The following AGMO variants were observed in gnomAD, a reference collection of about 807,000 sequenced individuals.
The protein encoded by AGMO is glyceryl-ether monooxygenase.
In AGMO, 75 loss-of-function variants were observed where a neutral mutation model predicts 60.2. That is an observed-to-expected ratio of 1.25 (90% CI 1.03 to 1.51). The LOEUF is 1.51. Ranked by LOEUF, AGMO falls within the 40% of genes most tolerant of loss-of-function variation. AGMO has a pLI of 0.00. For missense variants in AGMO, 763 were observed against 525.5 expected, an observed-to-expected ratio of 1.45 and a Z score of -4.42; for synonymous variants, 261 against 177.1, an observed-to-expected ratio of 1.47 and a Z score of -3.76.
intron 12 of AGMO, among the ~76,000 whole-genome samples, chr7:15,320,504 TTGA>T (rs1201760499): frequency 3.9e-5 from 6 of 152,096 alleles, no homozygotes; most frequent in African/African-American, 1.4e-4. Context: ...AAAAGAACTT[TTGA>T]TATCTCAACT....
chr7:15,388,089 G>C lies in AGMO; in HGVS notation c.823-549C>G, dbSNP rs183167076. ...TGCCAGGCTAATTTTTGTAGTTTTA[G>C]TGGCGACAGGGTTTCTGTTTTGGCT... On this transcript the variant is annotated intron_variant, in intron 8 of 12. Coordinates refer to ENST00000342526, the MANE Select transcript of AGMO (RefSeq NM_001004320.2). Among the ~76,000 whole-genome samples, 371 of 152,010 alleles carry C rather than the reference G, an allele frequency of 2.4e-3. 4 individuals are homozygous for C. Among genetic ancestry groups the C allele is most frequent in the African/African-American group, 8.4e-3 (347 of 41,438 alleles).
intron 5 of AGMO, among the ~76,000 whole-genome samples, chr7:15,414,849 T>A (rs1208932495): frequency 6.6e-6 from 1 of 152,124 alleles, no homozygotes; most frequent in African/African-American, 2.4e-5. Flanking sequence ...CAAACATATG[T>A]GGTCAACTTT....
intron 12 of AGMO, among the ~76,000 whole-genome samples, chr7:15,317,973 CACACGTATATATATAT>C (rs1396603730): frequency 1.0e-4 from 15 of 146,958 alleles, no homozygotes; most frequent in African/African-American, 3.1e-4. Flanking sequence ...TATATACACA[CACACGTATATATATAT>C]ACACGTATAT....
chr7:15,262,330 C>A (rs899521739), intron 12 of AGMO, among the ~76,000 whole-genome samples: 2 of 152,006 alleles, frequency 1.3e-5, no homozygotes, highest in African/African-American at 4.8e-5. Flanking sequence ...CTGCTATACA[C>A]CAACAGTGAC....
At chr7:15,237,330 C>T (rs952000543) in intron 12 of AGMO, among the ~76,000 whole-genome samples, 1 of 152,098 alleles carries the variant, frequency 6.6e-6, no homozygotes, top group African/African-American at 2.4e-5. Flanking sequence ...ATGAAAGTAG[C>T]ACAAAGGAAG....
chr7:15,435,970 T>A (rs759018568), intron 3 of AGMO, among the ~76,000 whole-genome samples: 107 of 152,150 alleles, frequency 7.0e-4, no homozygotes, highest in Non-Finnish European at 1.4e-3. Context: ...TTCACAGACA[T>A]ATAAGATAGC....
intron 12 of AGMO, among the ~76,000 whole-genome samples, chr7:15,273,474 G>C (rs78925952): frequency 0.013 from 2,048 of 152,226 alleles, 48 homozygotes; most frequent in African/African-American, 0.043. Flanking sequence ...TTGTTCCACT[G>C]GTCTGTATCT....
At chr7:15,317,978 GTA>G (rs148730260) in intron 12 of AGMO, among the ~76,000 whole-genome samples, 1 of 132,158 alleles carries the variant, frequency 7.6e-6, no homozygotes, top group African/African-American at 2.9e-5. Context: ...ACACACACAC[GTA>G]TATATATATA....
intron 12 of AGMO, among the ~76,000 whole-genome samples, chr7:15,362,087 G>T (rs778979884): frequency 2.6e-5 from 4 of 152,090 alleles, no homozygotes; most frequent in Non-Finnish European, 5.9e-5. Flanking sequence ...ATATTGACTG[G>T]AGTCACTGAG....
intron 12 of AGMO, among the ~76,000 whole-genome samples, chr7:15,215,445 C>T (rs1781708447): frequency 6.6e-6 from 1 of 151,842 alleles, no homozygotes; most frequent in Non-Finnish European, 1.5e-5. Flanking sequence ...GAGTTGTACA[C>T]CGGAATTCTC....
At chr7:15,392,002 G>C (rs907426123) in intron 6 of AGMO, among the ~76,000 whole-genome samples, 2 of 152,134 alleles carry the variant, frequency 1.3e-5, no homozygotes, top group Non-Finnish European at 2.9e-5. Context: ...TGAAGTCAGA[G>C]GAAGTAGCAA....
intron 12 of AGMO, among the ~76,000 whole-genome samples, chr7:15,301,441 G>GAA (rs139421944): frequency 1.4e-5 from 2 of 146,220 alleles, no homozygotes; most frequent in African/African-American, 2.5e-5. Flanking sequence ...TCAGTCTCAG[G>GAA]AAAAAAAAAA....
intron 12 of AGMO, among the ~76,000 whole-genome samples, chr7:15,278,169 T>C (rs980424716): frequency 6.6e-6 from 1 of 152,116 alleles, no homozygotes; most frequent in African/African-American, 2.4e-5. Flanking sequence ...ATCTCTTCAC[T>C]CAGTCCAATA....
At chr7:15,232,673 T>C (rs1324822111) in intron 12 of AGMO, among the ~76,000 whole-genome samples, 1 of 152,036 alleles carries the variant, frequency 6.6e-6, no homozygotes, top group Non-Finnish European at 1.5e-5. Flanking sequence ...TGCCAATGAG[T>C]AGAATACGAA....
chr7:15,328,572 T>C (rs2128543219), intron 12 of AGMO, among the ~76,000 whole-genome samples: 1 of 152,296 alleles, frequency 6.6e-6, no homozygotes, highest in Admixed American at 6.5e-5. Flanking sequence ...AATCTAACCA[T>C]AGCTAAAAGG....
chr7:15,319,414 C>G (rs1408288827), intron 12 of AGMO, among the ~76,000 whole-genome samples: 1 of 152,044 alleles, frequency 6.6e-6, no homozygotes, highest in Admixed American at 6.6e-5. Context: ...TAAAACAACC[C>G]TGAATTTGGA....
chr7:15,374,803 G>A (rs915030796), intron 10 of AGMO, among the ~76,000 whole-genome samples: 1 of 152,066 alleles, frequency 6.6e-6, no homozygotes, highest in African/African-American at 2.4e-5. Flanking sequence ...GGATTTGAGA[G>A]AAACCAAGAA....
At chr7:15,378,817 TCTC>T (rs1322090942) in intron 10 of AGMO, among the ~76,000 whole-genome samples, 1 of 151,394 alleles carries the variant, frequency 6.6e-6, no homozygotes, top group Non-Finnish European at 1.5e-5. Flanking sequence ...TTTACATTCT[TCTC>T]ATCGCTACAT....
At chr7:15,188,218 G>A in the AGMO span, among the ~76,000 whole-genome samples, 6 of 152,106 alleles carry the variant, frequency 3.9e-5, no homozygotes, top group African/African-American at 1.4e-4. Context: ...AGGAGGTCCA[G>A]GTTTGAATTT....
Sources: allele counts gnomAD v4.1 joint callset (sites outside exome capture counted in the v4.1 genomes callset), GRCh38; gene constraint gnomAD v4.1.1; transcripts MANE v1.5; gene names NCBI Gene and HGNC (gene_info 2026-07-23, HGNC 2026-07-21).